The following S1PR3 variants were observed in gnomAD, a reference collection of about 807,000 sequenced individuals.
S1PR3 encodes sphingosine 1-phosphate receptor 3.
In S1PR3, 12 loss-of-function variants were observed where a neutral mutation model predicts 13.3. That is an observed-to-expected ratio of 0.90 (90% CI 0.58 to 1.46). S1PR3 has a LOEUF of 1.46. Ranked by LOEUF, S1PR3 falls within the 40% of genes most tolerant of loss-of-function variation. The pLI, the probability that S1PR3 is intolerant of heterozygous loss-of-function variation, is 0.00. For synonymous variants in S1PR3, 232 were observed against 214.0 expected, an observed-to-expected ratio of 1.08 and a Z score of -0.73; for missense variants, 450 against 501.9, an observed-to-expected ratio of 0.90 and a Z score of 0.99.
chr9:89,001,530 C>T lies in S1PR3; in HGVS notation c.330C>T (p.Val110=). 6.2e-7 allele frequency: 1 copy of T among 1,614,266 alleles called. No individual in the cohort carries two copies. Among genetic ancestry groups the T allele is most frequent in the Non-Finnish European group, 8.5e-7 (1 of 1,180,040 alleles). Residue 110 remains valine (V), a synonymous_variant, in exon 2 of 2, where the codon GTC becomes GTT. Transcript: ENST00000358157. ...GKKTFSLSPT[V]WFLREGSMFV... is the part of the protein sequence containing the mutation. ...AGACGTTCAGCCTGTCTCCCACGGT[C>T]TGGTTCCTCAGGGAGGGCAGTATGT...
upstream of S1PR3, chr9:88,991,250 G>T: frequency 1.3e-6 from 2 of 1,551,692 alleles, no homozygotes; most frequent in Non-Finnish European, 1.7e-6. This position sits in a 1 kb window ranked among gnomAD's most constrained non-coding sequence, Gnocchi z 4.0. Context: ...TGGTAGGGTC[G>T]GGGAGAAGGG....
chr9:88,991,100 G>T (rs761330671), upstream of S1PR3: 1 of 1,613,272 alleles, frequency 6.2e-7, no homozygotes, highest in Non-Finnish European at 8.5e-7. The surrounding 1 kb of genome is among the most constrained non-coding windows in gnomAD (Gnocchi z 4.0). Flanking sequence ...CCCAAGCCCA[G>T]ACCTCGGACC....
In S1PR3 at chr9:88,991,949, C is replaced by A; in HGVS notation, c.-148+254C>A. ...CCTGGATGAAAGTGGAGAGGCTGTT[C>A]GTGGAGAAGTTCCATCAGTCGTTTT... On this transcript the variant is annotated intron_variant, in intron 1 of 1. Coordinates refer to ENST00000358157, the MANE Select transcript of S1PR3 (RefSeq NM_005226.4). This position sits in a 1 kb window ranked among gnomAD's most constrained non-coding sequence, Gnocchi z 4.0. The A allele has an allele frequency of 1.2e-6, 2 of 1,614,204 alleles. No homozygotes were observed. Among genetic ancestry groups the A allele is most frequent in the Non-Finnish European group, 1.7e-6 (2 of 1,180,040 alleles).
In S1PR3 at chr9:89,003,698, T is replaced by C. The variant is rs1825898041; in HGVS notation, c.*1361T>C. ...CACAGTTGCTGTGTTGAGTTCTCTT[T>C]AAAAACAAGGACAAAACCAACCAGC... On this transcript the variant is annotated 3_prime_UTR_variant, in exon 2 of 2. Transcript: ENST00000358157. 6.0e-6 allele frequency: 1 copy of C among 166,960 alleles called. No individual in the cohort carries two copies. The highest frequency in any genetic ancestry group is 1.5e-5 in the Non-Finnish European group (1 of 68,120). The allele number at this position is 166,960 out of a possible 1,614,324, so 10.3% of individuals were successfully genotyped here.
Position 89,001,968 on chromosome 9 carries a change from G to A in S1PR3, c.768G>A (p.Trp256Ter). The A allele has an allele frequency of 6.2e-7, 1 of 1,614,124 alleles. No homozygotes were observed. The highest frequency in any genetic ancestry group is 8.5e-7 in the Non-Finnish European group (1 of 1,180,032). The change falls in exon 2 of 2, where the codon TGG becomes TGA. Residue 256 changes from tryptophan (W) to a stop codon, truncating the protein, a stop_gained. Transcript: ENST00000358157. LOFTEE classifies it high-confidence loss of function. ...TGGTGAGCGTGTTCATCGCCTGCTG[G>A]TCCCCACTCTTCATCCTCTTCCTCA... ...VIVVSVFIACWSPLFILFLID... is the reference protein window; with the variant it reads ...VIVVSVFIAC
intron 1 of S1PR3, chr9:88,994,944 T>G (rs901684924): frequency 6.0e-6 from 1 of 167,124 alleles, no homozygotes; most frequent in Non-Finnish European, 1.5e-5. Context: ...GCATGCATTT[T>G]GCAATGGACT....
At chr9:88,994,390 G>A (rs1412450973) in intron 1 of S1PR3, 1 of 167,078 alleles carries the variant, frequency 6.0e-6, no homozygotes, top group Non-Finnish European at 1.5e-5. Flanking sequence ...ATCTCCGGTA[G>A]CCTTCGTGGG....
chr9:88,996,350 GC>G (rs1825803729), intron 1 of S1PR3, among the ~76,000 whole-genome samples: 1 of 152,110 alleles, frequency 6.6e-6, no homozygotes, highest in African/African-American at 2.4e-5. Context: ...ATCAATCCCA[GC>G]AGTGCTACTT....
chr9:89,005,153 A>T lies in S1PR3; in HGVS notation c.*2816A>T, dbSNP rs1194495147. The T allele has an allele frequency of 1.3e-5, 2 of 153,344 alleles. No individual in the cohort carries two copies. The highest frequency in any genetic ancestry group is 6.5e-5 in the Admixed American group (1 of 15,300). The allele number at this position is 153,344 out of a possible 1,614,324, so 9.5% of individuals were successfully genotyped here. The stretch of plus-strand genomic sequence containing the variant: ...GGAATTAAACCACATTCAGAACCCC[A>T]AATAACCTTTCCCCTTTCTTCTTAC... On this transcript the variant is annotated 3_prime_UTR_variant, in exon 2 of 2. Coordinates refer to ENST00000358157, the MANE Select transcript of S1PR3 (RefSeq NM_005226.4).
chr9:88,995,164 T>C (rs1189139074), intron 1 of S1PR3: 1 of 167,116 alleles, frequency 6.0e-6, no homozygotes, highest in Admixed American at 6.5e-5. Context: ...GAGGATGAAC[T>C]AGTTAATTTC....
chr9:88,991,394 G>C (rs1825698057), upstream of S1PR3: 3 of 1,421,580 alleles, frequency 2.1e-6, no homozygotes, highest in Non-Finnish European at 2.9e-6. The surrounding 1 kb of genome is among the most constrained non-coding windows in gnomAD (Gnocchi z 4.0). Flanking sequence ...GTCGGGGGCG[G>C]CGAGGGGAGG....
intron 1 of S1PR3, 168 bp from the exon 2 acceptor site, chr9:89,000,886 A>T: frequency 2.7e-6 from 1 of 371,640 alleles, no homozygotes; most frequent in Non-Finnish European, 5.0e-6. Flanking sequence ...GGTGTCCCCC[A>T]ATCACTTAGG....
At position 88,991,930 on chromosome 9, in the gene S1PR3, TG is replaced by T; in HGVS notation, c.-148+236del. 1.9e-6 allele frequency: 3 copies of T among 1,614,168 alleles called. No homozygotes were observed. The highest frequency in any genetic ancestry group is 2.5e-6 in the Non-Finnish European group (3 of 1,180,032). On this transcript the variant is annotated intron_variant, in intron 1 of 1. Transcript: ENST00000358157. The surrounding 1 kb of genome is among the most constrained non-coding windows in gnomAD (Gnocchi z 4.0). The stretch of plus-strand genomic sequence containing the variant: ...AACGGGCTGGAGCTGAATACCTGGA[TG>T]AAAGTGGAGAGGCTGTTCGTGGAGA...
At position 89,001,827 on chromosome 9, in the gene S1PR3, G is replaced by A. The variant is rs763595966; in HGVS notation, c.627G>A (p.Val209=). 2 of 1,614,210 alleles carry A rather than the reference G, an allele frequency of 1.2e-6. No homozygotes were observed. The highest frequency in any genetic ancestry group is 1.7e-6 in the Non-Finnish European group (2 of 1,180,046). The change falls in exon 2 of 2, where the codon GTG becomes GTA. Residue 209 remains valine, a synonymous_variant. Transcript: ENST00000358157. ...FCISIFTAIL[V]TIVILYARIY... ...TCAGCATCTTCACGGCCATCCTGGT[G>A]ACCATCGTGATCCTCTACGCACGCA... is the stretch of plus-strand genomic sequence containing the variant.
At position 89,001,093 on chromosome 9, in the gene S1PR3, C is replaced by T. The variant is rs1398377266; in HGVS notation, c.-108C>T. On this transcript the variant is annotated 5_prime_UTR_variant, in exon 2 of 2. In the 5' UTR this introduces an upstream ATG that the reference lacks. Coordinates refer to ENST00000358157, the MANE Select transcript of S1PR3 (RefSeq NM_005226.4). ...CGCCCTCGCTGGAGTCTGGCCTGCA[C>T]GCCTTGCTGAATGAAGCCGGAACCT... The T allele has an allele frequency of 3.8e-6, 5 of 1,301,244 alleles. No individual in the cohort carries two copies. Among genetic ancestry groups the T allele is most frequent in the African/African-American group, 2.9e-5 (2 of 68,080 alleles). The allele number at this position is 1,301,244 out of a possible 1,614,324, so 80.6% of individuals were successfully genotyped here.
chr9:88,991,062 C>A (rs778761127), upstream of S1PR3: 4 of 1,613,420 alleles, frequency 2.5e-6, no homozygotes, highest in South Asian at 1.1e-5. This position sits in a 1 kb window ranked among gnomAD's most constrained non-coding sequence, Gnocchi z 4.0. Flanking sequence ...CCCAAACAAA[C>A]CCTCGCTGTC....
rs56368313 is a variant in S1PR3 at position 89,001,675 on chromosome 9, G to T, written c.475G>T (p.Gly159Trp). The T allele has an allele frequency of 2.5e-4, 403 of 1,614,164 alleles. No homozygotes were observed. In the East Asian group the frequency reaches 8.0e-3, roughly 32 times the overall value. Residue 159 changes from glycine to tryptophan, a missense_variant, in exon 2 of 2, where the codon GGG becomes TGG. By Grantham distance (184) the Gly-to-Trp change is radical. Coordinates refer to ENST00000358157, the MANE Select transcript of S1PR3 (RefSeq NM_005226.4). ...GAGGCACCGCGTCTTCCTCCTGATC[G>T]GGATGTGCTGGCTCATTGCCTTCAC... ...NKRHRVFLLI[G>W]MCWLIAFTLG... is the part of the protein sequence containing the mutation.
Position 89,001,789 on chromosome 9 carries a change from A to G in S1PR3, c.589A>G (p.Ile197Val). 5 of 1,614,204 alleles carry G rather than the reference A, an allele frequency of 3.1e-6. No individual in the cohort carries two copies. The highest frequency in any genetic ancestry group is 1.7e-5 in the Admixed American group (1 of 60,032). The change falls in exon 2 of 2, where the codon ATT becomes GTT. Residue 197 changes from isoleucine (I) to valine (V), a missense_variant. By Grantham distance (29) the Ile-to-Val change is conservative (BLOSUM62 3). Coordinates refer to ENST00000358157, the MANE Select transcript of S1PR3 (RefSeq NM_005226.4). ...TILPLYSKKY[I>V]AFCISIFTAI... ...CCTGCCCCTCTACTCCAAGAAGTAC[A>G]TTGCCTTCTGCATCAGCATCTTCAC...
At chr9:88,995,892 T>A (rs1825797599) in intron 1 of S1PR3, 1 of 167,052 alleles carries the variant, frequency 6.0e-6, no homozygotes, top group South Asian at 2.1e-4. Context: ...AGTGTCAGCA[T>A]CTGTATTGGT....
Sources: allele counts gnomAD v4.1 joint callset (sites outside exome capture counted in the v4.1 genomes callset), GRCh38; gene constraint gnomAD v4.1.1; non-coding constraint Gnocchi (gnomAD v3.1); transcripts MANE v1.5; gene names NCBI Gene and HGNC (gene_info 2026-07-23, HGNC 2026-07-21).